The following KCNMA1 variants were observed in gnomAD, a reference collection of about 807,000 sequenced individuals.
The protein encoded by KCNMA1 is Calcium-activated potassium channel subunit alpha-1.
A neutral mutation model predicts 140.0 loss-of-function variants in KCNMA1; 29 were observed. That is an observed-to-expected ratio of 0.21 (90% CI 0.15 to 0.28). The LOEUF is 0.28. KCNMA1 is among the 10% of genes least tolerant of loss of function. KCNMA1 has a pLI of 1.00. For missense variants in KCNMA1, 880 were observed against 1,602.2 expected, an observed-to-expected ratio of 0.55 and a Z score of 7.70; for synonymous variants, 612 against 611.9, an observed-to-expected ratio of 1.00 and a Z score of 0.00.
rs150813973 is a variant in KCNMA1, at chr10:77,185,038, AC to A, written c.603-123del. The A allele has an allele frequency of 0.065, 48,617 of 743,472 alleles. 1,867 individuals carry two copies. The highest frequency in any genetic ancestry group is 0.11 in the Middle Eastern group (466 of 4,288). The allele number at this position is 743,472 out of a possible 1,614,324, so 46.1% of individuals were successfully genotyped here. A position where few individuals can be genotyped will look rare whatever the true frequency, so the allele number is the denominator to read the frequency against. On this transcript the variant is annotated intron_variant, in intron 3 of 27. Coordinates refer to ENST00000286628, the MANE Select transcript of KCNMA1 (RefSeq NM_001161352.2). ...ATGAAATGAATATTCATAAAAGAAAACATTTGGTCTTTCTGCCTCCTGGGAT... is the reference window on the plus strand; with the variant it reads ...ATGAAATGAATATTCATAAAAGAAAAATTTGGTCTTTCTGCCTCCTGGGAT...
chr10:76,875,444 C>G (rs190236757), downstream of KCNMA1: 2 of 152,152 alleles, frequency 1.3e-5, no homozygotes, highest in East Asian at 3.9e-4. Flanking sequence ...ATTAAAATTT[C>G]TAGCCACAAA....
intron 3 of KCNMA1, among the ~76,000 whole-genome samples, chr10:77,210,408 C>T (rs1217052415): frequency 1.3e-5 from 2 of 152,160 alleles, no homozygotes; most frequent in Non-Finnish European, 2.9e-5. Flanking sequence ...ATCAAAGGAA[C>T]ATACCTCAAA....
At chr10:77,571,117 T>C (rs2071114157) in intron 1 of KCNMA1, among the ~76,000 whole-genome samples, 1 of 152,196 alleles carries the variant, frequency 6.6e-6, no homozygotes, top group Non-Finnish European at 1.5e-5. Flanking sequence ...AATTAGTCTA[T>C]TGTTTCTTCC....
At chr10:77,430,308 A>G (rs757088178) in intron 1 of KCNMA1, among the ~76,000 whole-genome samples, 1 of 152,154 alleles carries the variant, frequency 6.6e-6, no homozygotes, top group Non-Finnish European at 1.5e-5. Context: ...TGTTTACTTT[A>G]TCTTATGTAA....
intron 5 of KCNMA1, among the ~76,000 whole-genome samples, chr10:77,146,002 T>C (rs558494706): frequency 7.9e-4 from 120 of 152,314 alleles, no homozygotes; most frequent in African/African-American, 2.7e-3. Flanking sequence ...CCTTGGCACA[T>C]AGGAAATGTT....
chr10:77,462,366 C>T (rs1264129753), intron 1 of KCNMA1, among the ~76,000 whole-genome samples: 2 of 152,032 alleles, frequency 1.3e-5, no homozygotes, highest in African/African-American at 2.4e-5. Flanking sequence ...CATACATGTG[C>T]ACACACACAC....
intron 3 of KCNMA1, among the ~76,000 whole-genome samples, chr10:77,204,222 C>T (rs1327947784): frequency 2.0e-5 from 3 of 152,084 alleles, no homozygotes; most frequent in Non-Finnish European, 4.4e-5. Context: ...GTGCTCTTCC[C>T]GTGTTTCAGG....
chr10:77,072,768 T>C (rs1443959842), intron 14 of KCNMA1, among the ~76,000 whole-genome samples: 1 of 152,206 alleles, frequency 6.6e-6, no homozygotes, highest in Non-Finnish European at 1.5e-5. Flanking sequence ...TTCTTTTCTT[T>C]AGGCGCTCTG....
chr10:77,318,016 A>C (rs2081329927), intron 2 of KCNMA1, among the ~76,000 whole-genome samples: 1 of 152,154 alleles, frequency 6.6e-6, no homozygotes, highest in South Asian at 2.1e-4. Context: ...GGCATTTACA[A>C]AATAAAGTCT....
Position 77,265,606 on chromosome 10 carries a change from C to T in KCNMA1, c.541-14350G>A, listed in dbSNP as rs1203169097. Among the ~76,000 whole-genome samples, 3 of 152,120 alleles carry T rather than the reference C, an allele frequency of 2.0e-5. No individual in the cohort carries two copies. In the East Asian group the frequency reaches 5.8e-4, roughly 29 times the overall value. On this transcript the variant is annotated intron_variant, in intron 2 of 27. Coordinates refer to ENST00000286628, the MANE Select transcript of KCNMA1 (RefSeq NM_001161352.2). ...AAAGGGGAGAAAACCGGCTGGAGCT[C>T]TTTATCTTGAATTATTGTTCAAAAT...
In KCNMA1 at chr10:77,198,023, C is replaced by T. The variant is rs537633172; in HGVS notation, c.603-13107G>A. 3.9e-5 allele frequency among the ~76,000 whole-genome samples: 6 copies of T among 152,236 alleles called. No homozygotes were observed. In the South Asian group the frequency reaches 1.0e-3, roughly 26 times the overall value. Reference sequence around the variant, plus strand: ...GGCCGTTACTCAATGAAATGGCTTCCCTGGCCATCCTTTCATATGCATGTA... The same window carrying T: ...GGCCGTTACTCAATGAAATGGCTTCTCTGGCCATCCTTTCATATGCATGTA... On this transcript the variant is annotated intron_variant, in intron 3 of 27. Coordinates refer to ENST00000286628, the MANE Select transcript of KCNMA1 (RefSeq NM_001161352.2).
chr10:77,433,442 T>C (rs697170), intron 1 of KCNMA1: 18,348 of 152,206 alleles, frequency 0.12, 1,360 homozygotes, highest in South Asian at 0.28. Context: ...CATGAGCCAC[T>C]GTGCCCAGCC....
chr10:77,610,953 T>C (rs1217667181), intron 1 of KCNMA1, among the ~76,000 whole-genome samples: 1 of 152,212 alleles, frequency 6.6e-6, no homozygotes, highest in Non-Finnish European at 1.5e-5. Flanking sequence ...AGTCCAACTG[T>C]CCAGGCTCAA....
rs556505655 is a variant in KCNMA1, at chr10:77,418,021, G to A, written c.379-13998C>T. ...CTCACCCCTTGGAAGAACTGGCTGG[G>A]TTCCAAAACTTCAGCCTCTATGTCC... On this transcript the variant is annotated intron_variant, in intron 1 of 27. Transcript: ENST00000286628. Among the ~76,000 whole-genome samples, 3 of 152,314 alleles carry A rather than the reference G, an allele frequency of 2.0e-5. No homozygotes were observed. In the East Asian group the frequency reaches 5.8e-4, roughly 29 times the overall value.
In KCNMA1 at chr10:77,340,626, C is replaced by G. The variant is rs998132493; in HGVS notation, c.540+63236G>C. 2.5e-4 allele frequency among the ~76,000 whole-genome samples: 38 copies of G among 151,292 alleles called. 2 individuals carry two copies. Among genetic ancestry groups the G allele is most frequent in the South Asian group, 1.5e-3 (7 of 4,788 alleles). ...CTATCGCAAGGACAAAAACCAAACA[C>G]TGCATGTTCTCACTCATAGGTGGGA... On this transcript the variant is annotated intron_variant, in intron 2 of 27. Transcript: ENST00000286628.
chr10:77,203,914 T>C (rs977142688), intron 3 of KCNMA1, among the ~76,000 whole-genome samples: 6 of 151,846 alleles, frequency 4.0e-5, no homozygotes, highest in Non-Finnish European at 7.4e-5. Context: ...CTGGCCAACA[T>C]AGTGAAACCT....
intron 20 of KCNMA1, among the ~76,000 whole-genome samples, chr10:76,969,031 A>T (rs2075064940): frequency 6.6e-6 from 1 of 152,194 alleles, no homozygotes; most frequent in Admixed American, 6.5e-5. Flanking sequence ...TAGGGTGAGC[A>T]GTGCAAATCT....
rs2051438742 is a variant in KCNMA1 at position 76,913,855 on chromosome 10, T to C, written c.3016+1081A>G. On this transcript the variant is annotated intron_variant, in intron 24 of 27. Transcript: ENST00000286628. ...GGTGTGATCAAAGGTTTACTGATGC[T>C]GTGTGGGGAAAAAATCATTAAGAAA... 5.3e-6 allele frequency: 3 copies of C among 561,664 alleles called. No homozygotes were observed. The Admixed American group carries it at 9.8e-5, about 18-fold the overall frequency. The allele number at this position is 561,664 out of a possible 1,614,324, so 34.8% of individuals were successfully genotyped here.
intron 1 of KCNMA1, among the ~76,000 whole-genome samples, chr10:77,609,885 T>C (rs1219139020): frequency 6.6e-6 from 1 of 152,178 alleles, no homozygotes; most frequent in East Asian, 1.9e-4. Flanking sequence ...CCCCACAGCC[T>C]GTCAGCAGTG....
Sources: allele counts gnomAD v4.1 joint callset (sites outside exome capture counted in the v4.1 genomes callset), GRCh38; gene constraint gnomAD v4.1.1; transcripts MANE v1.5; gene names NCBI Gene and HGNC (gene_info 2026-07-23, HGNC 2026-07-21).